The following ENTREP2 variants were observed in gnomAD, a reference collection of about 807,000 sequenced individuals.
The protein encoded by ENTREP2 is protein ENTREP2.
chr15:29,369,610 CA>C, the ENTREP2 span, among the ~76,000 whole-genome samples: 2,818 of 152,248 alleles, frequency 0.019, 88 homozygotes, highest in African/African-American at 0.065. Context: ...CACACACACA[CA>C]CACACCCAGG....
At chr15:29,469,043 T>C in the ENTREP2 span, among the ~76,000 whole-genome samples, 1 of 152,124 alleles carries the variant, frequency 6.6e-6, no homozygotes, top group Non-Finnish European at 1.5e-5. Flanking sequence ...TGGAAGAGCA[T>C]CCGAGGTGGT....
the ENTREP2 span, among the ~76,000 whole-genome samples, chr15:29,124,235 C>T: frequency 2.0e-5 from 3 of 152,198 alleles, no homozygotes; most frequent in Non-Finnish European, 4.4e-5. Context: ...GGCTGAGGGT[C>T]CCTGTAAGAC....
chr15:29,412,036 T>G, the ENTREP2 span, among the ~76,000 whole-genome samples: 1 of 152,218 alleles, frequency 6.6e-6, no homozygotes, highest in Non-Finnish European at 1.5e-5. Context: ...AGGAGCCTCT[T>G]GACTTTCCTT....
the ENTREP2 span, among the ~76,000 whole-genome samples, chr15:29,661,224 G>A: frequency 1.3e-5 from 2 of 151,948 alleles, no homozygotes; most frequent in African/African-American, 4.8e-5. Context: ...CTTTTGAGAC[G>A]GACTCTCACT....
chr15:29,374,160 AAC>A, the ENTREP2 span: 4 of 152,312 alleles, frequency 2.6e-5, no homozygotes, highest in South Asian at 6.2e-4. Flanking sequence ...ACATCAATGT[AAC>A]ACAGTCTCAC....
the ENTREP2 span, among the ~76,000 whole-genome samples, chr15:29,334,222 T>C: frequency 6.6e-6 from 1 of 152,202 alleles, no homozygotes; most frequent in African/African-American, 2.4e-5. Flanking sequence ...CGGGACATGA[T>C]AACCCAGAAA....
chr15:29,427,042 G>GGT, the ENTREP2 span, among the ~76,000 whole-genome samples: 35 of 152,092 alleles, frequency 2.3e-4, no homozygotes, highest in Non-Finnish European at 4.6e-4. Context: ...TTATCTTATG[G>GGT]GTGCTTGGTT....
the ENTREP2 span, among the ~76,000 whole-genome samples, chr15:29,182,369 C>A: frequency 6.6e-6 from 1 of 152,014 alleles, no homozygotes; most frequent in Non-Finnish European, 1.5e-5. Context: ...TCGTGATCCG[C>A]CTGCCTCGGC....
At chr15:29,586,815 C>T in the ENTREP2 span, among the ~76,000 whole-genome samples, 1 of 151,574 alleles carries the variant, frequency 6.6e-6, no homozygotes, top group Non-Finnish European at 1.5e-5. Context: ...TATGCTCTGA[C>T]AATATAGATG....
the ENTREP2 span, among the ~76,000 whole-genome samples, chr15:29,179,904 T>C: frequency 3.3e-5 from 5 of 151,892 alleles, no homozygotes; most frequent in Non-Finnish European, 5.9e-5. Context: ...GTCTTAAACT[T>C]GGGAGTGGCC....
chr15:29,495,584 T>C, the ENTREP2 span, among the ~76,000 whole-genome samples: 2 of 152,094 alleles, frequency 1.3e-5, no homozygotes, highest in Admixed American at 6.6e-5. Flanking sequence ...CAGATAACTC[T>C]CCAATTTTGT....
chr15:29,536,430 C>T, the ENTREP2 span, among the ~76,000 whole-genome samples: 1 of 151,884 alleles, frequency 6.6e-6, no homozygotes, highest in African/African-American at 2.4e-5. Flanking sequence ...TGAATTCTGT[C>T]CCCCATAAAA....
chr15:29,422,024 T>G, the ENTREP2 span, among the ~76,000 whole-genome samples: 2 of 152,050 alleles, frequency 1.3e-5, no homozygotes, highest in Non-Finnish European at 1.5e-5. Context: ...TCCCAGCACT[T>G]TGGGAGGCCG....
At chr15:29,671,413 A>C in the ENTREP2 span, among the ~76,000 whole-genome samples, 1 of 152,156 alleles carries the variant, frequency 6.6e-6, no homozygotes, top group South Asian at 2.1e-4. Context: ...CTGAGTACCT[A>C]AGACTTGGGA....
the ENTREP2 span, among the ~76,000 whole-genome samples, chr15:29,410,472 G>A: frequency 8.6e-5 from 13 of 152,006 alleles, no homozygotes; most frequent in Admixed American, 2.0e-4. Context: ...GACGGGTCTC[G>A]GGGAGGCAAG....
chr15:29,272,241 A>G, the ENTREP2 span, among the ~76,000 whole-genome samples: 1 of 152,206 alleles, frequency 6.6e-6, no homozygotes, highest in African/African-American at 2.4e-5. Flanking sequence ...CCCACATTCC[A>G]CCTTGGATTG....
chr15:29,287,234 A>G, the ENTREP2 span, among the ~76,000 whole-genome samples: 2 of 152,184 alleles, frequency 1.3e-5, no homozygotes, highest in African/African-American at 4.8e-5. Flanking sequence ...AATGGGGAAG[A>G]AAGCTTTTGG....
the ENTREP2 span, chr15:29,269,364 G>C: frequency 2.5e-6 from 4 of 1,614,060 alleles, no homozygotes; most frequent in Non-Finnish European, 3.4e-6. Context: ...CCCCGATGAC[G>C]TGCTTCAGTA....
the ENTREP2 span, among the ~76,000 whole-genome samples, chr15:29,572,795 G>A: frequency 2.0e-5 from 3 of 151,850 alleles, no homozygotes; most frequent in Non-Finnish European, 4.4e-5. Flanking sequence ...GGCACACTGG[G>A]TTCAGTGTTA....
Sources: gnomAD v4.1 joint callset for allele counts (sites outside exome capture counted in the v4.1 genomes callset) on GRCh38, gnomAD v4.1.1 for gene constraint, MANE v1.5 for transcripts, NCBI Gene and HGNC (gene_info 2026-07-23, HGNC 2026-07-21) for gene names.